Variants in CFAP299 observed in about 807,000 individuals in gnomAD.
CFAP299 encodes cilia- and flagella-associated protein 299.
In CFAP299, 21 loss-of-function variants were observed where a neutral mutation model predicts 27.0. The ratio of observed to expected loss-of-function variants is 0.78; its 90% CI spans 0.55 to 1.12. CFAP299 has a LOEUF of 1.12. Among genes scored for constraint, CFAP299 ranks in the 50% most tolerant of loss-of-function variants. The pLI is 0.00. For missense variants in CFAP299, 310 were observed against 276.6 expected (o/e 1.12, Z -0.86); for synonymous variants, 104 against 98.1 (o/e 1.06, Z -0.36).
Position 80,870,260 on chromosome 4 carries a change from T to C in CFAP299, c.476+125T>C, listed in dbSNP as rs1328074782. ...AATGTGATATAACTGGTTATTAATATGAAAATAACTAAATCTTAAAATAAG... is the reference window on the plus strand; with the variant it reads ...AATGTGATATAACTGGTTATTAATACGAAAATAACTAAATCTTAAAATAAG... On this transcript the variant is annotated intron_variant, in intron 4 of 5. Transcript: ENST00000358105. 1.5e-5 allele frequency: 20 copies of C among 1,304,440 alleles called. No individual in the cohort carries two copies. The East Asian group carries it at 4.9e-4, about 32-fold the overall frequency. The allele number at this position is 1,304,440 out of a possible 1,614,324, so 80.8% of individuals were successfully genotyped here.
chr4:80,458,748 A>T (rs1729293690), intron 2 of CFAP299, among the ~76,000 whole-genome samples: 2 of 152,136 alleles, frequency 1.3e-5, no homozygotes, highest in African/African-American at 4.8e-5. Context: ...CTCCCCAAAA[A>T]TTCAATCCCA....
At chr4:80,376,608 G>C (rs377603986) in intron 2 of CFAP299, among the ~76,000 whole-genome samples, 7 of 152,126 alleles carry the variant, frequency 4.6e-5, no homozygotes, top group African/African-American at 1.7e-4. Flanking sequence ...AGCCAGTAAG[G>C]CAGGTGTATT....
At chr4:80,358,710 TG>T (rs1427242264) in intron 1 of CFAP299, among the ~76,000 whole-genome samples, 4 of 152,304 alleles carry the variant, frequency 2.6e-5, no homozygotes, top group African/African-American at 9.6e-5. Context: ...TTTGAGCCTA[TG>T]TGTGTAATTG....
At chr4:80,322,872 C>T in the CFAP299 span, among the ~76,000 whole-genome samples, 1 of 152,324 alleles carries the variant, frequency 6.6e-6, no homozygotes, top group African/African-American at 2.4e-5. Context: ...GTTGATCCTG[C>T]AGGGCACCTT....
At chr4:80,729,850 G>A (rs530158927) in intron 3 of CFAP299, among the ~76,000 whole-genome samples, 14 of 151,924 alleles carry the variant, frequency 9.2e-5, no homozygotes, top group Admixed American at 3.3e-4. Context: ...TGATCTGCCC[G>A]CCTCGGCCTC....
chr4:80,881,063 G>A (rs1053868520), intron 4 of CFAP299, among the ~76,000 whole-genome samples: 11 of 152,182 alleles, frequency 7.2e-5, no homozygotes, highest in Admixed American at 6.5e-4. Flanking sequence ...TGCTATTCAA[G>A]ATAAGGAAAA....
intron 3 of CFAP299, among the ~76,000 whole-genome samples, chr4:80,818,212 G>A (rs551716197): frequency 6.6e-5 from 10 of 152,176 alleles, no homozygotes; most frequent in African/African-American, 1.4e-4. Context: ...ATAGTATTCC[G>A]TGGTGTATAG....
chr4:80,799,778 T>A (rs1728227417), intron 3 of CFAP299, among the ~76,000 whole-genome samples: 1 of 44,976 alleles, frequency 2.2e-5, no homozygotes, highest in South Asian at 7.8e-4. Context: ...TTATATGATA[T>A]ATATATTATA....
chr4:80,625,427 T>C (rs971904752), intron 3 of CFAP299, among the ~76,000 whole-genome samples: 20 of 151,426 alleles, frequency 1.3e-4, no homozygotes. Flanking sequence ...CTGAAGAAAA[T>C]CACTTAGCTA....
At chr4:80,614,466 C>A (rs1302827020) in intron 3 of CFAP299, among the ~76,000 whole-genome samples, 1 of 152,170 alleles carries the variant, frequency 6.6e-6, no homozygotes, top group African/African-American at 2.4e-5. Context: ...ATCACAAATA[C>A]TGTCGTTAGA....
At chr4:80,675,753 C>T (rs978112673) in intron 3 of CFAP299, among the ~76,000 whole-genome samples, 2 of 152,222 alleles carry the variant, frequency 1.3e-5, no homozygotes, top group African/African-American at 4.8e-5. Context: ...ATGGCAGACA[C>T]CCCTCACACT....
chr4:80,637,332 T>C (rs1317988507), intron 3 of CFAP299, among the ~76,000 whole-genome samples: 1 of 151,952 alleles, frequency 6.6e-6, no homozygotes, highest in African/African-American at 2.4e-5. Context: ...GGAGAAGTGA[T>C]AGACATGCAA....
At chr4:80,708,346 G>A (rs1456517111) in intron 3 of CFAP299, among the ~76,000 whole-genome samples, 1 of 151,692 alleles carries the variant, frequency 6.6e-6, no homozygotes, top group Non-Finnish European at 1.5e-5. Flanking sequence ...AGAAACAGAG[G>A]CATTCTTTGT....
chr4:80,889,282 A>T (rs903303975), intron 4 of CFAP299, among the ~76,000 whole-genome samples: 2 of 152,016 alleles, frequency 1.3e-5, no homozygotes, highest in African/African-American at 4.8e-5. Context: ...AAAATCATAG[A>T]TGAAAAAGAA....
intron 2 of CFAP299, among the ~76,000 whole-genome samples, chr4:80,418,738 A>G (rs1051683538): frequency 9.9e-5 from 15 of 152,218 alleles, no homozygotes; most frequent in African/African-American, 2.4e-5. Flanking sequence ...AAGAGAAAGC[A>G]TGCAGTATTT....
chr4:80,656,614 C>T (rs770712627), intron 3 of CFAP299, among the ~76,000 whole-genome samples: 5 of 152,116 alleles, frequency 3.3e-5, no homozygotes, highest in Admixed American at 6.6e-5. Context: ...TTTTCTTTAT[C>T]CGGTCTATCA....
intron 3 of CFAP299, among the ~76,000 whole-genome samples, chr4:80,690,260 A>G (rs1195475096): frequency 6.6e-6 from 1 of 150,560 alleles, no homozygotes; most frequent in African/African-American, 2.4e-5. Flanking sequence ...GCACCACACC[A>G]CACCTATTCC....
intron 4 of CFAP299, among the ~76,000 whole-genome samples, chr4:80,934,039 G>A (rs568287440): frequency 9.9e-5 from 15 of 152,088 alleles, no homozygotes; most frequent in Admixed American, 3.3e-4. Context: ...GATTTTCACC[G>A]TTTAATATGA....
chr4:80,400,570 A>G (rs1032736779), intron 2 of CFAP299, among the ~76,000 whole-genome samples: 5 of 152,128 alleles, frequency 3.3e-5, no homozygotes, highest in Non-Finnish European at 5.9e-5. Flanking sequence ...CCGCCATGTA[A>G]GAAGTGCCTT....
Sources: gnomAD v4.1 joint callset for allele counts (sites outside exome capture counted in the v4.1 genomes callset) on GRCh38, gnomAD v4.1.1 for gene constraint, MANE v1.5 for transcripts, NCBI Gene and HGNC (gene_info 2026-07-23, HGNC 2026-07-21) for gene names.